Variants in VPS13B observed in about 807,000 individuals in gnomAD.
The protein encoded by VPS13B is vacuolar protein sorting 13 homolog B, also known as intermembrane lipid transfer protein VPS13B.
A neutral mutation model predicts 426.4 loss-of-function variants in VPS13B; 285 were observed. That is an observed-to-expected ratio of 0.67 (90% CI 0.61 to 0.74). VPS13B has a LOEUF of 0.74. Ranked by LOEUF, VPS13B falls within the 30% of genes least tolerant of loss-of-function variation. The pLI is 0.00. For synonymous variants in VPS13B, 1,676 were observed against 1,676.4 expected (o/e 1.00, Z 0.01); for missense variants, 4,537 against 4,782.6 (o/e 0.95, Z 1.51).
chr8:99,037,562 C>A (rs989567034), intron 2 of VPS13B, among the ~76,000 whole-genome samples: 5 of 151,978 alleles, frequency 3.3e-5, no homozygotes, highest in Admixed American at 6.6e-5. Flanking sequence ...ACTAGGTAGA[C>A]TAAAATGTGA....
At chr8:99,811,418 A>C (rs76397965) in intron 44 of VPS13B, among the ~76,000 whole-genome samples, 9,928 of 152,120 alleles carry the variant, frequency 0.065, 463 homozygotes, top group African/African-American at 0.13. Context: ...CTCAAATTTG[A>C]GTATGCATCA....
In VPS13B at chr8:99,015,215, AT is replaced by A. The variant is rs35213007; in HGVS notation, c.147+1299del. On this transcript the variant is annotated intron_variant, in intron 2 of 61. Transcript: ENST00000357162. The stretch of plus-strand genomic sequence containing the variant: ...CACAAATCCCAAGTGTAACAGCTCA[AT>A]TTTTTTTTTTTTTTTTTTGAGACGG... Among the ~76,000 whole-genome samples the A allele has an allele frequency of 6.6e-3, 844 of 127,886 alleles. 5 individuals are homozygous for A. Among genetic ancestry groups the A allele is most frequent in the Non-Finnish European group, 7.6e-3 (463 of 60,778 alleles). The allele number at this position is 127,886 out of a possible 152,430, so 83.9% of individuals were successfully genotyped here. A position where few individuals can be genotyped will look rare whatever the true frequency, so the allele number is the denominator to read the frequency against.
intron 19 of VPS13B, among the ~76,000 whole-genome samples, chr8:99,280,092 T>C (rs191960157): frequency 6.6e-6 from 1 of 152,112 alleles, no homozygotes; most frequent in African/African-American, 2.4e-5. Context: ...TCTGAGCCAG[T>C]GTTAAGAGTT....
intron 21 of VPS13B, among the ~76,000 whole-genome samples, chr8:99,394,748 C>T (rs1235363873): frequency 6.6e-6 from 1 of 152,052 alleles, no homozygotes; most frequent in Non-Finnish European, 1.5e-5. Context: ...GAGATATAAA[C>T]CATTTTATCT....
At chr8:99,274,108 G>T in intron 17 of VPS13B, 90 bp from the exon 18 acceptor site, 1 of 1,523,768 alleles carries the variant, frequency 6.6e-7, no homozygotes, top group Non-Finnish European at 9.1e-7. Context: ...TAGACAGTTA[G>T]AGTATAATTA....
chr8:99,084,683 C>G (rs1312836179), intron 3 of VPS13B, among the ~76,000 whole-genome samples: 1 of 152,144 alleles, frequency 6.6e-6, no homozygotes, highest in Admixed American at 6.5e-5. Flanking sequence ...CAAAGAACAT[C>G]TTTATTTCTG....
intron 35 of VPS13B, among the ~76,000 whole-genome samples, chr8:99,683,546 T>G (rs1029178731): frequency 2.0e-5 from 3 of 152,222 alleles, no homozygotes; most frequent in African/African-American, 7.2e-5. Flanking sequence ...ATTTTGTAGT[T>G]TTCAGCATAC....
At chr8:99,360,144 TTC>T (rs1387476233) in intron 19 of VPS13B, among the ~76,000 whole-genome samples, 2 of 32,408 alleles carry the variant, frequency 6.2e-5, no homozygotes, top group East Asian at 7.5e-4. Context: ...CTTTCTTTCT[TTC>T]TTTCTTTCTT....
intron 37 of VPS13B, 32 bp downstream of exon 37, chr8:99,717,405 G>T: frequency 6.4e-7 from 1 of 1,568,584 alleles, no homozygotes; most frequent in African/African-American, 1.4e-5. Flanking sequence ...TTTTTTCATA[G>T]GTTATTAACT....
chr8:99,863,347 G>C (rs1816929700), intron 58 of VPS13B, among the ~76,000 whole-genome samples: 1 of 152,168 alleles, frequency 6.6e-6, no homozygotes, highest in African/African-American at 2.4e-5. Flanking sequence ...GCTGTAACCA[G>C]AGGAAGTGAC....
intron 21 of VPS13B, among the ~76,000 whole-genome samples, chr8:99,430,310 A>G (rs561500999): frequency 1.3e-5 from 2 of 152,318 alleles, no homozygotes; most frequent in South Asian, 2.1e-4. Flanking sequence ...CCACATTCTC[A>G]TAGTAGTGAT....
chr8:99,256,466 T>G (rs1418387208), intron 17 of VPS13B, among the ~76,000 whole-genome samples: 2 of 152,202 alleles, frequency 1.3e-5, no homozygotes, highest in Non-Finnish European at 2.9e-5. Context: ...TCTTGAGGAA[T>G]CGCGATACTG....
intron 15 of VPS13B, among the ~76,000 whole-genome samples, chr8:99,160,318 C>A (rs1398626354): frequency 1.3e-5 from 2 of 152,088 alleles, no homozygotes; most frequent in South Asian, 2.1e-4. Context: ...TGTACACAAT[C>A]AACTTCTGTT....
chr8:99,745,490 C>A (rs1198488092), intron 39 of VPS13B, among the ~76,000 whole-genome samples: 1 of 152,012 alleles, frequency 6.6e-6, no homozygotes, highest in Non-Finnish European at 1.5e-5. Flanking sequence ...ATTAACATAA[C>A]TTTTATTACA....
chr8:99,196,802 A>G (rs1813963349), intron 17 of VPS13B, among the ~76,000 whole-genome samples: 1 of 151,934 alleles, frequency 6.6e-6, no homozygotes, highest in Admixed American at 6.6e-5. Context: ...TTTTTTTTCT[A>G]TTACAATGCC....
intron 39 of VPS13B, among the ~76,000 whole-genome samples, chr8:99,761,010 A>C (rs1372793729): frequency 6.6e-6 from 1 of 152,208 alleles, no homozygotes; most frequent in Admixed American, 6.5e-5. Flanking sequence ...TCCCAGAACC[A>C]ACCCCTCATG....
In VPS13B at chr8:99,720,912, T is replaced by TG. The variant is rs755035402; in HGVS notation, c.6916dup (p.Glu2306GlyfsTer15). On this transcript the variant is annotated frameshift_variant, in exon 39 of 62. Transcript: ENST00000357162. LOFTEE classifies it high-confidence loss of function. ...ATGAAGTCTTATTTTATAATGAAAC[T>TG]GAAGATTGCCCAGGGATGATGTTAT... 6.2e-7 allele frequency: 1 copy of TG among 1,614,032 alleles called. No individual in the cohort carries two copies. Among genetic ancestry groups the TG allele is most frequent in the Admixed American group, 1.7e-5 (1 of 60,022 alleles).
At chr8:99,762,720 C>A (rs1810993527) in intron 39 of VPS13B, among the ~76,000 whole-genome samples, 1 of 152,160 alleles carries the variant, frequency 6.6e-6, no homozygotes, top group African/African-American at 2.4e-5. Context: ...GCTAACATTT[C>A]TTAAGCTCTT....
intron 45 of VPS13B, 110 bp downstream of exon 45, chr8:99,817,913 G>A (rs1814139907): frequency 1.3e-6 from 2 of 1,538,692 alleles, no homozygotes; most frequent in Non-Finnish European, 1.8e-6. Context: ...ATATAAAAAA[G>A]GGGAGTGAAA....
Sources: gnomAD v4.1 joint callset for allele counts (sites outside exome capture counted in the v4.1 genomes callset) on GRCh38, gnomAD v4.1.1 for gene constraint, MANE v1.5 for transcripts, NCBI Gene and HGNC (gene_info 2026-07-23, HGNC 2026-07-21) for gene names.